CSMD2: variants seen among roughly 807,000 people sequenced by gnomAD.
The protein encoded by CSMD2 is CUB and Sushi multiple domains 2.
A neutral mutation model predicts 398.5 loss-of-function variants in CSMD2; 130 were observed. That is an observed-to-expected ratio of 0.33 (90% CI 0.28 to 0.38). CSMD2 has a LOEUF of 0.38. Ranked by LOEUF, CSMD2 falls within the 10% of genes least tolerant of loss-of-function variation. The probability of loss-of-function intolerance (pLI) is 1.00; values close to 1 mark genes in which losing one functional copy is unlikely to be tolerated. For missense variants in CSMD2, 3,829 were observed against 4,764.9 expected (o/e 0.80, Z 5.78); for synonymous variants, 1,828 against 1,908.5 (o/e 0.96, Z 1.10).
At chr1:33,671,335 C>T (rs1001807353) in intron 25 of CSMD2, among the ~76,000 whole-genome samples, 2 of 152,130 alleles carry the variant, frequency 1.3e-5, no homozygotes, top group East Asian at 1.9e-4. Context: ...CTTGGGCACT[C>T]ATGATAATCT....
At chr1:33,778,014 G>C (rs1652225117) in intron 12 of CSMD2, among the ~76,000 whole-genome samples, 1 of 152,144 alleles carries the variant, frequency 6.6e-6, no homozygotes, top group African/African-American at 2.4e-5. Context: ...AGGCTTCACT[G>C]GCTCCTTCAC....
intron 25 of CSMD2, among the ~76,000 whole-genome samples, chr1:33,664,742 G>T (rs1485306917): frequency 6.6e-6 from 1 of 152,114 alleles, no homozygotes; most frequent in African/African-American, 2.4e-5. Flanking sequence ...GGTGGAGCTT[G>T]CAGTGAGCCA....
intron 15 of CSMD2, among the ~76,000 whole-genome samples, chr1:33,736,042 A>G (rs1466289880): frequency 6.6e-6 from 1 of 152,152 alleles, no homozygotes; most frequent in Non-Finnish European, 1.5e-5. Context: ...CAGATCCCTG[A>G]AAACCAGGCT....
At chr1:33,861,364 T>G (rs983101864) in intron 5 of CSMD2, 1 of 152,154 alleles carries the variant, frequency 6.6e-6, no homozygotes, top group African/African-American at 2.4e-5. Context: ...ACTTTCGAGG[T>G]ATAGTGGCAG....
intron 48 of CSMD2, among the ~76,000 whole-genome samples, chr1:33,579,581 G>C (rs1339858914): frequency 6.6e-6 from 1 of 152,104 alleles, no homozygotes; most frequent in Non-Finnish European, 1.5e-5. Context: ...GTATGGGCTG[G>C]TCTTGCAAGT....
In CSMD2 at chr1:33,662,920, T is replaced by C; in HGVS notation, c.4225A>G (p.Ser1409Gly). Residue 1409 changes from serine (S) to glycine (G), a missense_variant, in exon 26 of 71, where the codon AGC becomes GGC. Around this residue, in one of 5 missense-constraint regions of CSMD2, gnomAD observed 2,001 missense variants for 2,567.1 expected, o/e 0.78. Transcript: ENST00000373381. ...VLQFSTDFFT[S>G]KQGFAIQFSV... ...AATTGAATGGCAAAGCCCTGCTTGC[T>C]GGTGAAGAAGTCAGTGCTGAACTGC... 6.2e-7 allele frequency: 1 copy of C among 1,614,166 alleles called. No individual in the cohort carries two copies. The highest frequency in any genetic ancestry group is 8.5e-7 in the Non-Finnish European group (1 of 1,180,020).
chr1:33,593,925 C>T (rs539607046), intron 44 of CSMD2, among the ~76,000 whole-genome samples: 1 of 152,144 alleles, frequency 6.6e-6, no homozygotes, highest in African/African-American at 2.4e-5. Flanking sequence ...AGTATATGTT[C>T]AAAATCCTTA....
chr1:33,836,784 G>A (rs1411487302), intron 6 of CSMD2, among the ~76,000 whole-genome samples: 1 of 152,158 alleles, frequency 6.6e-6, no homozygotes, highest in African/African-American at 2.4e-5. Flanking sequence ...GGCTAGGAAA[G>A]CGAATTCCCC....
At chr1:33,749,272 T>TG in intron 13 of CSMD2, among the ~76,000 whole-genome samples, 1 of 151,938 alleles carries the variant, frequency 6.6e-6, no homozygotes, top group Non-Finnish European at 1.5e-5. Flanking sequence ...CTAATTTTTT[T>TG]GTATTTTTAG....
At position 33,725,390 on chromosome 1, in the gene CSMD2, T is replaced by G. The variant is rs1220918375; in HGVS notation, c.2654A>C (p.Asp885Ala). 5 of 1,613,900 alleles carry G rather than the reference T, an allele frequency of 3.1e-6. No individual in the cohort carries two copies. Among genetic ancestry groups the G allele is most frequent in the Non-Finnish European group, 4.2e-6 (5 of 1,179,996 alleles). The change falls in exon 17 of 71, where the codon GAC becomes GCC. Residue 885 changes from aspartate (D) to alanine (A), a missense_variant. Physicochemically the swap from Asp to Ala is moderately radical, Grantham distance 126. Around this residue, in one of 5 missense-constraint regions of CSMD2, gnomAD observed 2,001 missense variants for 2,567.1 expected, o/e 0.78. Transcript: ENST00000373381. ...SNYLYLLFSTDKSHSDIGFQL... is the reference protein window; with the variant it reads ...SNYLYLLFSTAKSHSDIGFQL... ...GAAGCCGATGTCCGAGTGACTCTTGTCGGTAGAGAAGAGGAGGTAGAGGTA... is the reference window on the plus strand; with the variant it reads ...GAAGCCGATGTCCGAGTGACTCTTGGCGGTAGAGAAGAGGAGGTAGAGGTA...
intron 40 of CSMD2, among the ~76,000 whole-genome samples, chr1:33,613,277 G>T (rs1416354632): frequency 6.6e-6 from 1 of 152,308 alleles, no homozygotes; most frequent in African/African-American, 2.4e-5. Flanking sequence ...TACAGGGAAA[G>T]CCACCTCATT....
At chr1:33,906,872 G>A (rs1275916429) in intron 5 of CSMD2, among the ~76,000 whole-genome samples, 1 of 152,066 alleles carries the variant, frequency 6.6e-6, no homozygotes, top group East Asian at 1.9e-4. Context: ...GAGCAGTACA[G>A]CAAGAAGGAA....
intron 1 of CSMD2, among the ~76,000 whole-genome samples, chr1:34,114,543 T>A (rs1661423617): frequency 6.6e-6 from 1 of 151,944 alleles, no homozygotes; most frequent in African/African-American, 2.4e-5. Flanking sequence ...TAAAAACAAT[T>A]TTTTTTAATT....
intron 9 of CSMD2, among the ~76,000 whole-genome samples, chr1:33,811,574 G>A (rs966648820): frequency 7.9e-5 from 12 of 152,132 alleles, no homozygotes; most frequent in African/African-American, 2.4e-5. Context: ...CCCTGAAACT[G>A]GCTTTTGACT....
intron 56 of CSMD2, among the ~76,000 whole-genome samples, chr1:33,548,903 C>T (rs1331848572): frequency 1.3e-5 from 2 of 152,190 alleles, no homozygotes; most frequent in Admixed American, 1.3e-4. Flanking sequence ...ATAGGCCTTC[C>T]TCTAGCCCAG....
At position 33,790,657 on chromosome 1, in the gene CSMD2, G is replaced by GTCTATCTA. The variant is rs766980791; in HGVS notation, c.1550+1765_1550+1766insTAGATAGA. Reference sequence around the variant, plus strand: ...CAAATTATCTATCTATTTGCTGTTTGTCTGTCTATCTATCTATCTATCTAT... The same window carrying GTCTATCTA: ...CAAATTATCTATCTATTTGCTGTTTGTCTATCTATCTGTCTATCTATCTATCTATCTAT... On this transcript the variant is annotated intron_variant, in intron 11 of 70. Coordinates refer to ENST00000373381, the MANE Select transcript of CSMD2 (RefSeq NM_001281956.2). 6.6e-3 allele frequency among the ~76,000 whole-genome samples: 790 copies of GTCTATCTA among 120,342 alleles called. 4 individuals carry two copies. Among genetic ancestry groups the GTCTATCTA allele is most frequent in the African/African-American group, 0.025 (745 of 30,208 alleles). The allele number at this position is 120,342 out of a possible 152,430, so 78.9% of individuals were successfully genotyped here. A position where few individuals can be genotyped will look rare whatever the true frequency, so the allele number is the denominator to read the frequency against.
intron 5 of CSMD2, among the ~76,000 whole-genome samples, chr1:33,909,841 AG>A: frequency 6.6e-6 from 1 of 152,208 alleles, no homozygotes; most frequent in Non-Finnish European, 1.5e-5. Flanking sequence ...GCTGTGTCCC[AG>A]CACATCCAGC....
intron 24 of CSMD2, among the ~76,000 whole-genome samples, chr1:33,696,789 T>C (rs935849124): frequency 6.6e-6 from 1 of 152,056 alleles, no homozygotes; most frequent in African/African-American, 2.4e-5. Flanking sequence ...TTCAACAACA[T>C]TGAGAACATG....
intron 5 of CSMD2, chr1:33,862,389 GTGTGTGTC>G (rs1639598956): frequency 6.7e-6 from 1 of 148,588 alleles, no homozygotes; most frequent in African/African-American, 2.7e-5. Context: ...GTGTGTGTGT[GTGTGTGTC>G]TGAGCCTGAG....
Sources: gnomAD v4.1 joint callset for allele counts (sites outside exome capture counted in the v4.1 genomes callset) on GRCh38, gnomAD v4.1.1 for gene constraint, gnomAD v4.1.1 regional missense constraint, MANE v1.5 for transcripts, NCBI Gene and HGNC (gene_info 2026-07-23, HGNC 2026-07-21) for gene names.